The following SYT3 variants were observed in gnomAD, a reference collection of about 807,000 sequenced individuals.
SYT3 encodes synaptotagmin 3.
A neutral mutation model predicts 50.6 loss-of-function variants in SYT3; 25 were observed. The ratio of observed to expected loss-of-function variants is 0.49; its 90% CI spans 0.36 to 0.69. SYT3 has a LOEUF of 0.69. SYT3 is among the 30% of genes least tolerant of loss of function. SYT3 has a pLI of 0.00. For missense variants in SYT3, 589 were observed against 793.6 expected, an observed-to-expected ratio of 0.74 and a Z score of 3.10; for synonymous variants, 323 against 353.9, an observed-to-expected ratio of 0.91 and a Z score of 0.98.
Position 50,625,319 on chromosome 19 carries a change from C to T in SYT3, c.1575-25G>A, listed in dbSNP as rs779778265. 1 of 1,532,688 alleles carries T rather than the reference C, an allele frequency of 6.5e-7. No individual in the cohort carries two copies. The highest frequency in any genetic ancestry group is 8.8e-7 in the Non-Finnish European group (1 of 1,140,950). 94.9% of individuals were successfully genotyped at this position (1,532,688 alleles called of 1,614,324 possible). A position where few individuals can be genotyped will look rare whatever the true frequency, so the allele number is the denominator to read the frequency against. On this transcript the variant is annotated intron_variant, in intron 8 of 10. Transcript: ENST00000600079. The surrounding 1 kb of genome is among the most constrained non-coding windows in gnomAD (Gnocchi z 7.5). Reference sequence around the variant, plus strand: ...GCTGGGGGTTGGGGTCAGTGAGGACCGTGGAGGGTGGTGGGAGGGCCTGTC... The same window carrying T: ...GCTGGGGGTTGGGGTCAGTGAGGACTGTGGAGGGTGGTGGGAGGGCCTGTC...
chr19:50,637,159 A>G lies in SYT3; in HGVS notation c.148+105T>C. 1.4e-6 allele frequency: 2 copies of G among 1,384,518 alleles called. No homozygotes were observed. The highest frequency in any genetic ancestry group is 2.0e-6 in the Non-Finnish European group (2 of 1,002,586). The allele number at this position is 1,384,518 out of a possible 1,614,324, so 85.8% of individuals were successfully genotyped here. On this transcript the variant is annotated intron_variant, in intron 3 of 10. Coordinates refer to ENST00000600079, the MANE Select transcript of SYT3 (RefSeq NM_001160329.2). The surrounding 1 kb of genome is among the most constrained non-coding windows in gnomAD (Gnocchi z 4.9). Reference sequence around the variant, plus strand: ...GCAGGCAGAATGGGGGCAAGACGCTACGAGGGACTGACCCCACAAGCAATG... The same window carrying G: ...GCAGGCAGAATGGGGGCAAGACGCTGCGAGGGACTGACCCCACAAGCAATG...
At chr19:50,657,317 C>T in the SYT3 span, among the ~76,000 whole-genome samples, 3 of 152,180 alleles carry the variant, frequency 2.0e-5, no homozygotes, top group Admixed American at 6.5e-5. Context: ...GACTCTCCAG[C>T]CTCCCCTCTC....
chr19:50,652,753 A>G, the SYT3 span, among the ~76,000 whole-genome samples: 1 of 152,304 alleles, frequency 6.6e-6, no homozygotes, highest in East Asian at 1.9e-4. Context: ...GGAAGGGGCC[A>G]TAGGGTCAGG....
upstream of SYT3, among the ~76,000 whole-genome samples, chr19:50,641,858 A>G (rs1014371110): frequency 2.0e-5 from 3 of 152,178 alleles, no homozygotes; most frequent in African/African-American, 7.2e-5. Flanking sequence ...TCAAAAATAA[A>G]CATAAATATG....
chr19:50,649,531 G>C, the SYT3 span: 1 of 1,536,042 alleles, frequency 6.5e-7, no homozygotes, highest in African/African-American at 1.4e-5. Flanking sequence ...TGTGTCTTTG[G>C]GGGAAGGGGT....
At chr19:50,630,210 G>T (rs750984338) in intron 4 of SYT3, 39 bp from the exon 5 acceptor site, 1 of 1,476,100 alleles carries the variant, frequency 6.8e-7, no homozygotes, top group East Asian at 2.4e-5. Context: ...GAGGTCAGTG[G>T]CTCTGATCTT....
At position 50,632,670 on chromosome 19, in the gene SYT3, C is replaced by T. The variant is rs781302664; in HGVS notation, c.290G>A (p.Arg97His). 27 of 1,589,608 alleles carry T rather than the reference C, an allele frequency of 1.7e-5. No homozygotes were observed. The highest frequency in any genetic ancestry group is 2.7e-5 in the African/African-American group (2 of 74,524). The change falls in exon 4 of 11, where the codon CGC becomes CAC. Residue 97 changes from arginine (R) to histidine (H), a missense_variant. Around this residue, in one of 2 missense-constraint regions of SYT3, gnomAD observed 316 missense variants for 354.3 expected, o/e 0.89. Coordinates refer to ENST00000600079, the MANE Select transcript of SYT3 (RefSeq NM_001160329.2). The surrounding 1 kb of genome is among the most constrained non-coding windows in gnomAD (Gnocchi z 4.7). Reference sequence around the variant, plus strand: ...CCCGACACCAGGGCCTAGGTCTTTGCGCAGGGGGCCACCGCCCACTGCCGA... The same window carrying T: ...CCCGACACCAGGGCCTAGGTCTTTGTGCAGGGGGCCACCGCCCACTGCCGA... Reference protein sequence around the residue: ...GGSAVGGGPLRKDLGPGVGLA... With the variant: ...GGSAVGGGPLHKDLGPGVGLA...
chr19:50,625,685 C>G lies in SYT3; in HGVS notation c.1403-121G>C. 1 of 1,406,730 alleles carries G rather than the reference C, an allele frequency of 7.1e-7. No homozygotes were observed. The highest frequency in any genetic ancestry group is 1.4e-5 in the South Asian group (1 of 69,202). 87.1% of individuals were successfully genotyped at this position (1,406,730 alleles called of 1,614,324 possible). On this transcript the variant is annotated intron_variant, in intron 7 of 10. Coordinates refer to ENST00000600079, the MANE Select transcript of SYT3 (RefSeq NM_001160329.2). The surrounding 1 kb of genome is among the most constrained non-coding windows in gnomAD (Gnocchi z 7.5). ...AGGTCCGGGGCCCCAGGCCCCCAGTCCCTCCTTCCTCAGGCCCAAGAGTCC... is the reference window on the plus strand; with the variant it reads ...AGGTCCGGGGCCCCAGGCCCCCAGTGCCTCCTTCCTCAGGCCCAAGAGTCC...
the SYT3 span, chr19:50,649,372 G>A: frequency 2.1e-6 from 3 of 1,434,366 alleles, no homozygotes; most frequent in Middle Eastern, 1.8e-4. Flanking sequence ...TGGGGAGAAG[G>A]AGCTGGGGTG....
Position 50,637,319 on chromosome 19 carries a change from G to A in SYT3, c.93C>T (p.Asp31=). 1 of 1,613,514 alleles carries A rather than the reference G, an allele frequency of 6.2e-7. No homozygotes were observed. The highest frequency in any genetic ancestry group is 8.5e-7 in the Non-Finnish European group (1 of 1,179,954). Residue 31 remains aspartate (D), a synonymous_variant, in exon 3 of 11, where the codon GAC becomes GAT. Transcript: ENST00000600079. This position sits in a 1 kb window ranked among gnomAD's most constrained non-coding sequence, Gnocchi z 4.9. ...CARVRDADTN[D]RCQEFNDRIR... ...TTCGGTCATTGAACTCCTGGCACCT[G>A]TCGTTGGTGTCAGCATCTCGGACCC... is the stretch of plus-strand genomic sequence containing the variant.
Position 50,637,117 on chromosome 19 carries a change from T to G in SYT3, c.148+147A>C. On this transcript the variant is annotated intron_variant, in intron 3 of 10. Transcript: ENST00000600079. This position sits in a 1 kb window ranked among gnomAD's most constrained non-coding sequence, Gnocchi z 4.9. ...AGCTCCTTCCCCTTGGATCAGAGAT[T>G]TGGGAGAAGGGCAGCAGCAGGCAGA... 9.6e-7 allele frequency: 1 copy of G among 1,045,952 alleles called. No homozygotes were observed. The highest frequency in any genetic ancestry group is 1.4e-6 in the Non-Finnish European group (1 of 727,010). The allele number at this position is 1,045,952 out of a possible 1,614,324, so 64.8% of individuals were successfully genotyped here. A position where few individuals can be genotyped will look rare whatever the true frequency, so the allele number is the denominator to read the frequency against.
At chr19:50,626,279 G>T in intron 6 of SYT3, 1 of 428,602 alleles carries the variant, frequency 2.3e-6, no homozygotes, top group Non-Finnish European at 4.3e-6. Context: ...GAGAGACAGA[G>T]AAGGTGAGAG....
At chr19:50,653,178 C>T in the SYT3 span, among the ~76,000 whole-genome samples, 1 of 152,084 alleles carries the variant, frequency 6.6e-6, no homozygotes, top group South Asian at 2.1e-4. Context: ...CCTAAGACTA[C>T]AGGTGCGCGC....
At position 50,625,761 on chromosome 19, in the gene SYT3, TCCTCCCTCA is replaced by T; in HGVS notation, c.1402+127_1402+135del. ...CCCAGGAGTCCAGGCCCCTGGCCCC[TCCTCCCTCA>T]GACCCAGGAGTCCAGATCCCCAGCT... On this transcript the variant is annotated intron_variant, in intron 7 of 10. Transcript: ENST00000600079. This position sits in a 1 kb window ranked among gnomAD's most constrained non-coding sequence, Gnocchi z 7.5. 4 of 813,306 alleles carry T rather than the reference TCCTCCCTCA, an allele frequency of 4.9e-6. No homozygotes were observed. The highest frequency in any genetic ancestry group is 3.1e-5 in the Admixed American group (1 of 32,688). 50.4% of individuals were successfully genotyped at this position (813,306 alleles called of 1,614,324 possible).
Position 50,622,366 on chromosome 19 carries a change from G to C in SYT3, c.*119C>G, listed in dbSNP as rs1419574350. 4.0e-6 allele frequency: 1 copy of C among 251,296 alleles called. No homozygotes were observed. Among genetic ancestry groups the C allele is most frequent in the Non-Finnish European group, 7.8e-6 (1 of 128,968 alleles). 15.6% of individuals were successfully genotyped at this position (251,296 alleles called of 1,614,324 possible). A position where few individuals can be genotyped will look rare whatever the true frequency, so the allele number is the denominator to read the frequency against. On this transcript the variant is annotated 3_prime_UTR_variant, in exon 11 of 11. Transcript: ENST00000600079. ...CCAGGGTTAGGAAGCCTAGGGCCAG[G>C]GCTGCCCCGCACCAGCAGCTCGGAC...
At chr19:50,623,443 A>T (rs1262539726) in intron 9 of SYT3, among the ~76,000 whole-genome samples, 1 of 152,022 alleles carries the variant, frequency 6.6e-6, no homozygotes, top group Admixed American at 6.6e-5. Flanking sequence ...TACTAAATGT[A>T]AATGTGTGCC....
rs12985643 is a variant in SYT3 at position 50,625,786 on chromosome 19, A to G, written c.1402+111T>C. The G allele has an allele frequency of 9.4e-3, 1,484 of 158,534 alleles. 580 individuals carry two copies. Among genetic ancestry groups the G allele is most frequent in the Non-Finnish European group, 0.014 (1,042 of 74,164 alleles). 9.8% of individuals were successfully genotyped at this position (158,534 alleles called of 1,614,324 possible). On this transcript the variant is annotated intron_variant, in intron 7 of 10. Transcript: ENST00000600079. This position sits in a 1 kb window ranked among gnomAD's most constrained non-coding sequence, Gnocchi z 7.5. Reference sequence around the variant, plus strand: ...TCCTCCCTCAGACCCAGGAGTCCAGATCCCCAGCTCCTCCTCCCTCAGACC... The same window carrying G: ...TCCTCCCTCAGACCCAGGAGTCCAGGTCCCCAGCTCCTCCTCCCTCAGACC...
intron 9 of SYT3, among the ~76,000 whole-genome samples, chr19:50,623,324 A>G (rs1983915575): frequency 6.6e-6 from 1 of 152,006 alleles, no homozygotes; most frequent in Admixed American, 6.6e-5. Context: ...GTCTTTTCCA[A>G]TCTCAAATCT....
At chr19:50,644,735 G>A (rs1031049288), upstream of SYT3, among the ~76,000 whole-genome samples, 1 of 151,950 alleles carries the variant, frequency 6.6e-6, no homozygotes, top group Non-Finnish European at 1.5e-5. Context: ...ATAAATAAAG[G>A]GATGGATGAG....
Sources: gnomAD v4.1 joint callset for allele counts (sites outside exome capture counted in the v4.1 genomes callset) on GRCh38, gnomAD v4.1.1 for gene constraint, gnomAD v4.1.1 regional missense constraint, Gnocchi (gnomAD v3.1) non-coding constraint, MANE v1.5 for transcripts, NCBI Gene and HGNC (gene_info 2026-07-23, HGNC 2026-07-21) for gene names.